MAPKAP1: variants seen among roughly 807,000 people sequenced by gnomAD.
The protein encoded by MAPKAP1 is target of rapamycin complex 2 subunit MAPKAP1.
MAPKAP1 carries 20 observed loss-of-function variants against 65.7 expected under a neutral mutation model. The observed-to-expected ratio is 0.30, with a 90% CI of 0.21 to 0.44. MAPKAP1 has a LOEUF of 0.44. MAPKAP1 is among the 20% of genes least tolerant of loss of function. The probability of loss-of-function intolerance (pLI) is 1.00; values close to 1 mark genes in which losing one functional copy is unlikely to be tolerated. For synonymous variants in MAPKAP1, 222 were observed against 244.3 expected, an observed-to-expected ratio of 0.91 and a Z score of 0.85; for missense variants, 423 against 648.0, an observed-to-expected ratio of 0.65 and a Z score of 3.77.
Position 125,468,001 on chromosome 9 carries a change from G to A in MAPKAP1, c.1316C>T (p.Ala439Val). ...GCTTTTCTCTTCAGCAAGGTCACAGGCACAGAGCAGGTCGGAATCGATTGA... is the reference window on the plus strand; with the variant it reads ...GCTTTTCTCTTCAGCAAGGTCACAGACACAGAGCAGGTCGGAATCGATTGA... ...PISIDSDLLC[A>V]CDLAEEKSPS... Residue 439 changes from alanine to valine, a missense_variant, in exon 10 of 12, where the codon GCC becomes GTC. Ala to Val is a moderately conservative substitution (Grantham distance 64, BLOSUM62 0). Around this residue, in one of 6 missense-constraint regions of MAPKAP1, gnomAD observed 185 missense variants for 268.1 expected, o/e 0.69. Coordinates refer to ENST00000265960, the MANE Select transcript of MAPKAP1 (RefSeq NM_001006617.3). The A allele has an allele frequency of 6.2e-6, 10 of 1,614,162 alleles. No homozygotes were observed. Among genetic ancestry groups the A allele is most frequent in the Non-Finnish European group, 8.5e-6 (10 of 1,180,036 alleles).
rs1835253524 is a variant in MAPKAP1 at position 125,693,594 on chromosome 9, C to CACGTATAT, written c.-70+13376_-70+13377insATATACGT. ...ATACACACACATATATACACGTATACACACACACATACACATATATACACA... is the reference window on the plus strand; with the variant it reads ...ATACACACACATATATACACGTATACACGTATATACACACACATACACATATATACACA... On this transcript the variant is annotated intron_variant, in intron 1 of 11. Coordinates refer to ENST00000265960, the MANE Select transcript of MAPKAP1 (RefSeq NM_001006617.3). Among the ~76,000 whole-genome samples, 4 of 147,634 alleles carry CACGTATAT rather than the reference C, an allele frequency of 2.7e-5. No homozygotes were observed. In the Admixed American group the frequency reaches 2.8e-4, roughly 10 times the overall value.
chr9:125,679,335 T>C lies in MAPKAP1; in HGVS notation c.-69-6692A>G, dbSNP rs921318390. 2.0e-5 allele frequency among the ~76,000 whole-genome samples: 3 copies of C among 152,110 alleles called. No homozygotes were observed. In the East Asian group the frequency reaches 5.8e-4, roughly 29 times the overall value. On this transcript the variant is annotated intron_variant, in intron 1 of 11. Coordinates refer to ENST00000265960, the MANE Select transcript of MAPKAP1 (RefSeq NM_001006617.3). Reference sequence around the variant, plus strand: ...CTTTTTAAAAGCCTATTGTACTCATTTGTATCTAAGGCCTGAGAGAAATTT... The same window carrying C: ...CTTTTTAAAAGCCTATTGTACTCATCTGTATCTAAGGCCTGAGAGAAATTT...
At chr9:125,693,552 T>C (rs1025704936) in intron 1 of MAPKAP1, among the ~76,000 whole-genome samples, 4 of 148,902 alleles carry the variant, frequency 2.7e-5, no homozygotes, top group Non-Finnish European at 4.4e-5. Flanking sequence ...TATATACATA[T>C]ACACACACAT....
At chr9:125,570,232 A>G (rs1389794367) in intron 5 of MAPKAP1, among the ~76,000 whole-genome samples, 2 of 152,108 alleles carry the variant, frequency 1.3e-5, no homozygotes, top group African/African-American at 2.4e-5. Context: ...AAAAGGAGGG[A>G]GGTTTAGGGC....
chr9:125,559,598 G>A (rs751261217), intron 6 of MAPKAP1, 35 bp downstream of exon 6: 5 of 1,565,574 alleles, frequency 3.2e-6, no homozygotes, highest in African/African-American at 1.4e-5. Flanking sequence ...AGGTTGGGAT[G>A]AGATACCGAG....
intron 1 of MAPKAP1, among the ~76,000 whole-genome samples, chr9:125,691,122 G>A (rs919947263): frequency 1.3e-5 from 2 of 152,106 alleles, no homozygotes; most frequent in South Asian, 2.1e-4. Flanking sequence ...TTAGCCGGGC[G>A]TGGTGGCGGG....
chr9:125,523,503 T>C (rs929870986), intron 7 of MAPKAP1, among the ~76,000 whole-genome samples: 1 of 152,204 alleles, frequency 6.6e-6, no homozygotes, highest in Non-Finnish European at 1.5e-5. Flanking sequence ...CTATGGAACC[T>C]TGTAAATGTG....
chr9:125,671,130 T>C (rs1177663010), intron 2 of MAPKAP1, among the ~76,000 whole-genome samples: 2 of 152,208 alleles, frequency 1.3e-5, no homozygotes, highest in East Asian at 3.8e-4. Context: ...CAACCTGTCA[T>C]ATAAGATATC....
chr9:125,485,999 A>C (rs763038440), intron 8 of MAPKAP1, among the ~76,000 whole-genome samples: 2 of 152,128 alleles, frequency 1.3e-5, no homozygotes, highest in Non-Finnish European at 1.5e-5. Context: ...GCTCTGTCCT[A>C]ATCTGGAAGC....
chr9:125,543,087 C>T lies in MAPKAP1; in HGVS notation c.930G>A (p.Lys310=), dbSNP rs746801203. 8.7e-6 allele frequency: 14 copies of T among 1,613,576 alleles called. No individual in the cohort carries two copies. In the Admixed American group the frequency reaches 2.0e-4, roughly 23 times the overall value. Reference sequence around the variant, plus strand: ...AAACTTTCTGGGATCCTTTTCTTCGCTTCACTGCCTTCAGTAAGATTTCCT... The same window carrying T: ...AAACTTTCTGGGATCCTTTTCTTCGTTTCACTGCCTTCAGTAAGATTTCCT... ...TMKEILLKAV[K]RRKGSQKVSG... Residue 310 remains lysine (K), a synonymous_variant, in exon 7 of 12, where the codon AAG becomes AAA. Coordinates refer to ENST00000265960, the MANE Select transcript of MAPKAP1 (RefSeq NM_001006617.3).
At chr9:125,641,835 C>T (rs934321738) in intron 4 of MAPKAP1, among the ~76,000 whole-genome samples, 6 of 151,770 alleles carry the variant, frequency 4.0e-5, no homozygotes, top group Admixed American at 2.6e-4. Context: ...AGATCAAGAC[C>T]AGCCTCACCA....
chr9:125,637,837 G>T (rs892111354), intron 4 of MAPKAP1, among the ~76,000 whole-genome samples: 1 of 152,206 alleles, frequency 6.6e-6, no homozygotes, highest in East Asian at 1.9e-4. Flanking sequence ...CAGTGGCGCA[G>T]TCTCAGTTCA....
chr9:125,545,900 T>C (rs1352527532), intron 6 of MAPKAP1, among the ~76,000 whole-genome samples: 1 of 152,212 alleles, frequency 6.6e-6, no homozygotes, highest in Admixed American at 6.5e-5. Flanking sequence ...ACCTTCTGTA[T>C]TTTTTCATTA....
intron 6 of MAPKAP1, among the ~76,000 whole-genome samples, chr9:125,544,974 G>A (rs1221094477): frequency 1.3e-5 from 2 of 152,094 alleles, no homozygotes; most frequent in Non-Finnish European, 2.9e-5. Flanking sequence ...CTCTCCATAC[G>A]GCTTGCTGTT....
intron 7 of MAPKAP1, among the ~76,000 whole-genome samples, chr9:125,524,932 G>A (rs992252782): frequency 2.6e-5 from 4 of 152,216 alleles, no homozygotes; most frequent in African/African-American, 9.7e-5. Flanking sequence ...ATTCCTACAC[G>A]TGCACTCCTA....
chr9:125,637,746 C>A lies in MAPKAP1; in HGVS notation c.498+19905G>T, dbSNP rs139157780. ...AGAAACGATGTATTAAAGTAGCATA[C>A]CCACAATAGGAAGGTAGGTAGGTAA... On this transcript the variant is annotated intron_variant, in intron 4 of 11. Transcript: ENST00000265960. 4.2e-3 allele frequency among the ~76,000 whole-genome samples: 644 copies of A among 152,260 alleles called. 6 individuals carry two copies. Among genetic ancestry groups the A allele is most frequent in the African/African-American group, 0.015 (608 of 41,544 alleles).
chr9:125,588,029 C>G (rs1286515854), intron 4 of MAPKAP1, among the ~76,000 whole-genome samples: 1 of 152,162 alleles, frequency 6.6e-6, no homozygotes, highest in Non-Finnish European at 1.5e-5. Context: ...AAATGAAACA[C>G]AGAATTACCA....
chr9:125,496,405 T>C (rs1891035), intron 8 of MAPKAP1, among the ~76,000 whole-genome samples: 41,058 of 152,198 alleles, frequency 0.27, 6,696 homozygotes, highest in Non-Finnish European at 0.37. Flanking sequence ...CTAAAATATG[T>C]AAAACGAACA....
intron 1 of MAPKAP1, among the ~76,000 whole-genome samples, chr9:125,695,830 T>C (rs995949938): frequency 2.0e-5 from 3 of 151,882 alleles, no homozygotes; most frequent in Non-Finnish European, 4.4e-5. Context: ...CCGGGTTCAA[T>C]TGCTTCTCCT....
Sources: allele counts gnomAD v4.1 joint callset (sites outside exome capture counted in the v4.1 genomes callset), GRCh38; gene constraint gnomAD v4.1.1; regional missense constraint gnomAD v4.1.1; transcripts MANE v1.5; gene names NCBI Gene and HGNC (gene_info 2026-07-23, HGNC 2026-07-21).